KCNAB2: variants seen among roughly 807,000 people sequenced by gnomAD.
The protein encoded by KCNAB2 is potassium voltage-gated channel subfamily A regulatory beta subunit 2.
KCNAB2 carries 29 observed loss-of-function variants against 63.6 expected under a neutral mutation model. That is an observed-to-expected ratio of 0.46 (90% CI 0.34 to 0.62). The LOEUF (loss-of-function observed/expected upper bound fraction) is 0.62. Ranked by LOEUF, KCNAB2 falls within the 20% of genes least tolerant of loss-of-function variation. KCNAB2 has a pLI of 0.01. For synonymous variants in KCNAB2, 222 were observed against 224.2 expected, an observed-to-expected ratio of 0.99 and a Z score of 0.09; for missense variants, 359 against 563.9, an observed-to-expected ratio of 0.64 and a Z score of 3.68.
chr1:6,094,553 C>T (rs1192094328), intron 11 of KCNAB2, 68 bp downstream of exon 11: 2 of 1,343,042 alleles, frequency 1.5e-6, no homozygotes, highest in Admixed American at 2.0e-5. Context: ...TATGGAGACC[C>T]CAAAGCTCTG....
chr1:6,017,327 T>C (rs1658564099), intron 1 of KCNAB2, among the ~76,000 whole-genome samples: 1 of 152,128 alleles, frequency 6.6e-6, no homozygotes, highest in East Asian at 1.9e-4. Flanking sequence ...CTTAGCTCAC[T>C]GCAACCTGAG....
At chr1:6,058,208 G>C (rs1662003972) in intron 2 of KCNAB2, among the ~76,000 whole-genome samples, 1 of 152,182 alleles carries the variant, frequency 6.6e-6, no homozygotes, top group Non-Finnish European at 1.5e-5. Flanking sequence ...CCCTAATCCA[G>C]GACCATCGCA....
In KCNAB2 at chr1:6,035,757, G is replaced by A. The variant is rs1003902714; in HGVS notation, c.-53+963G>A. Among the ~76,000 whole-genome samples, 2 of 152,090 alleles carry A rather than the reference G, an allele frequency of 1.3e-5. No individual in the cohort carries two copies. The highest frequency in any genetic ancestry group is 4.8e-5 in the African/African-American group (2 of 41,406). On this transcript the variant is annotated intron_variant, in intron 1 of 15. Coordinates refer to the KCNAB2 transcript ENST00000164247. This position sits in a 1 kb window ranked among gnomAD's most constrained non-coding sequence, Gnocchi z 5.0. ...AAACAGCTCTGGGGTTCAGGGGAGT[G>A]GTAGAGGGGGTGGGGTCTGCAGCAT...
chr1:6,093,841 A>G (rs1665394455), intron 10 of KCNAB2, among the ~76,000 whole-genome samples: 1 of 152,134 alleles, frequency 6.6e-6, no homozygotes, highest in South Asian at 2.1e-4. Flanking sequence ...CCGAAGCCCT[A>G]TTCTCCGGGA....
rs1663242548 is a variant in KCNAB2 at position 6,071,932 on chromosome 1, G to A, written c.219-823G>A. Among the ~76,000 whole-genome samples, 1 of 152,150 alleles carries A rather than the reference G, an allele frequency of 6.6e-6. No individual in the cohort carries two copies. On this transcript the variant is annotated intron_variant, in intron 2 of 15. Transcript: ENST00000378083. This position sits in a 1 kb window ranked among gnomAD's most constrained non-coding sequence, Gnocchi z 8.5. ...GGGCTCCCGGGAGGATCCGGGGACAGGATGCCTGGGGACTGCCTGGCCTGC... is the reference window on the plus strand; with the variant it reads ...GGGCTCCCGGGAGGATCCGGGGACAAGATGCCTGGGGACTGCCTGGCCTGC...
At chr1:6,047,054 T>A (rs1391909973) in intron 1 of KCNAB2, among the ~76,000 whole-genome samples, 1 of 152,226 alleles carries the variant, frequency 6.6e-6, no homozygotes, top group Non-Finnish European at 1.5e-5. Context: ...AACTTGTGGG[T>A]TCCACGTAAT....
intron 5 of KCNAB2, among the ~76,000 whole-genome samples, chr1:6,083,569 G>A (rs574266804): frequency 1.6e-3 from 246 of 152,300 alleles, no homozygotes; most frequent in African/African-American, 5.4e-3. Flanking sequence ...CCCTCAGGTC[G>A]CCGTTTCTGT....
chr1:6,068,107 C>A (rs1662904792), intron 2 of KCNAB2, among the ~76,000 whole-genome samples: 1 of 152,224 alleles, frequency 6.6e-6, no homozygotes, highest in Non-Finnish European at 1.5e-5. Context: ...CCTTCTGCAA[C>A]TTTTATGTCA....
chr1:6,024,415 T>A lies in KCNAB2; in HGVS notation c.-52-16102T>A, dbSNP rs1245399334. On this transcript the variant is annotated intron_variant, in intron 1 of 16. Transcript: ENST00000341524. This position sits in a 1 kb window ranked among gnomAD's most constrained non-coding sequence, Gnocchi z 5.4. ...GTCTTTTAAATGAAGTATCTCTAAT[T>A]TTGCCACTCAGCATTTACCAGTCAC... Among the ~76,000 whole-genome samples, 1 of 152,144 alleles carries A rather than the reference T, an allele frequency of 6.6e-6. No individual in the cohort carries two copies. Among genetic ancestry groups the A allele is most frequent in the Non-Finnish European group, 1.5e-5 (1 of 68,034 alleles).
chr1:6,046,068 C>A lies in KCNAB2; in HGVS notation c.-142C>A. The A allele has an allele frequency of 2.0e-6, 2 of 985,468 alleles. No homozygotes were observed. The highest frequency in any genetic ancestry group is 2.4e-6 in the Non-Finnish European group (2 of 829,944). 61.0% of individuals were successfully genotyped at this position (985,468 alleles called of 1,614,324 possible). A position where few individuals can be genotyped will look rare whatever the true frequency, so the allele number is the denominator to read the frequency against. On this transcript the variant is annotated 5_prime_UTR_variant, in exon 1 of 16. Transcript: ENST00000378083. ...CTCATTCACCAATTGCTTCTGACGT[C>A]CTGCAGTGACACTCCCTAATGAAAA...
rs1570874341 is a variant in KCNAB2, at chr1:6,019,855, C to T, written c.-52-20662C>T. Among the ~76,000 whole-genome samples, 5 of 152,312 alleles carry T rather than the reference C, an allele frequency of 3.3e-5. 1 individual carries two copies. The South Asian group carries it at 1.0e-3, about 32-fold the overall frequency. On this transcript the variant is annotated intron_variant, in intron 1 of 16. Transcript: ENST00000341524. ...AGATGGGGTGAGCTATGGCAGGTGT[C>T]CTCAGATGCTCCAGGGATTGTCCTA...
In KCNAB2 at chr1:6,099,938, T is replaced by C; in HGVS notation, c.*1364T>C. ...GGGGTGCCACCTACAGGCCCAGGCC[T>C]GTGTCCCAAGCAGTACCCAGGCTTT... On this transcript the variant is annotated 3_prime_UTR_variant, in exon 16 of 16. Transcript: ENST00000378083. 6.5e-7 allele frequency: 1 copy of C among 1,550,368 alleles called. No individual in the cohort carries two copies.
chr1:6,019,444 C>G (rs957820187), intron 1 of KCNAB2, among the ~76,000 whole-genome samples: 3 of 152,224 alleles, frequency 2.0e-5, no homozygotes, highest in Non-Finnish European at 2.9e-5. Flanking sequence ...TGCTGGCCAG[C>G]CGGTGTGCAG....
upstream of KCNAB2, among the ~76,000 whole-genome samples, chr1:6,033,989 C>T (rs1659835341): frequency 6.6e-6 from 1 of 151,940 alleles, no homozygotes; most frequent in Admixed American, 6.6e-5. Flanking sequence ...GCCCTGCACC[C>T]CGTCAGCTGC....
rs116233662 is a variant in KCNAB2 at position 6,059,683 on chromosome 1, G to A, written c.218+7929G>A. 7.0e-3 allele frequency among the ~76,000 whole-genome samples: 1,071 copies of A among 152,266 alleles called. 13 individuals are homozygous for A. Among genetic ancestry groups the A allele is most frequent in the African/African-American group, 0.024 (1,017 of 41,544 alleles). ...GGAAGAGAAAGAGAGGTGCTCGCTT[G>A]GGGCTGGAGAGTTGCATGGGAAACA... On this transcript the variant is annotated intron_variant, in intron 2 of 15. Transcript: ENST00000378083.
At chr1:6,072,834 AC>A in intron 3 of KCNAB2, 36 bp downstream of exon 3, 1 of 1,608,128 alleles carries the variant, frequency 6.2e-7, no homozygotes, top group South Asian at 1.1e-5. Context: ...CACCAGGGAA[AC>A]AGGCTGTGGG....
At chr1:6,004,773 T>G (rs1657457853) in intron 1 of KCNAB2, among the ~76,000 whole-genome samples, 1 of 152,166 alleles carries the variant, frequency 6.6e-6, no homozygotes, top group African/African-American at 2.4e-5. Context: ...GGATTATGAC[T>G]TGGGTGGATC....
In KCNAB2 at chr1:6,094,747, A is replaced by G. The variant is rs1665480224; in HGVS notation, c.732+262A>G. 2.0e-5 allele frequency among the ~76,000 whole-genome samples: 3 copies of G among 152,216 alleles called. No homozygotes were observed. In the South Asian group the frequency reaches 6.2e-4, roughly 32 times the overall value. On this transcript the variant is annotated intron_variant, in intron 11 of 15. Coordinates refer to ENST00000378083, the MANE Select transcript of KCNAB2 (RefSeq NM_001199862.2). ...GAGCTTGTTTCCCCACCTGTAGAAC[A>G]CATCTGCTAGGTGAGCCCCCATGGG...
At chr1:6,013,214 C>T (rs1010674929) in intron 1 of KCNAB2, among the ~76,000 whole-genome samples, 3 of 152,148 alleles carry the variant, frequency 2.0e-5, no homozygotes, top group African/African-American at 7.2e-5. Context: ...CTGTTCCGGG[C>T]ATGAGGGATT....
Sources: gnomAD v4.1 joint callset for allele counts (sites outside exome capture counted in the v4.1 genomes callset) on GRCh38, gnomAD v4.1.1 for gene constraint, Gnocchi (gnomAD v3.1) non-coding constraint, MANE v1.5 for transcripts, NCBI Gene and HGNC (gene_info 2026-07-23, HGNC 2026-07-21) for gene names.